Variants in GNB1L observed in about 807,000 individuals in gnomAD.
GNB1L encodes the protein G protein subunit beta 1 like.
A neutral mutation model predicts 29.1 loss-of-function variants in GNB1L; 20 were observed. That is an observed-to-expected ratio of 0.69 (90% CI 0.48 to 1.00). GNB1L has a LOEUF of 1.00. Among genes scored for constraint, GNB1L ranks in the 50% least tolerant of loss-of-function variants. GNB1L has a pLI of 0.00. For missense variants in GNB1L, 421 were observed against 464.9 expected, an observed-to-expected ratio of 0.91 and a Z score of 0.87; for synonymous variants, 193 against 206.5, an observed-to-expected ratio of 0.93 and a Z score of 0.56.
chr22:19,841,753 A>G (rs184582331), intron 2 of GNB1L, among the ~76,000 whole-genome samples: 88 of 152,346 alleles, frequency 5.8e-4, no homozygotes, highest in Admixed American at 5.4e-3. Context: ...CCCCTGGTAC[A>G]AGCTAGTAGT....
intron 7 of GNB1L, among the ~76,000 whole-genome samples, chr22:19,801,073 G>A (rs763333182): frequency 6.6e-6 from 1 of 152,208 alleles, no homozygotes; most frequent in Non-Finnish European, 1.5e-5. Context: ...GCCCTACAGA[G>A]AAGGGCAGCC....
At chr22:19,820,068 C>T (rs1298370440) in intron 4 of GNB1L, among the ~76,000 whole-genome samples, 4 of 152,116 alleles carry the variant, frequency 2.6e-5, no homozygotes, top group Non-Finnish European at 5.9e-5. Context: ...GCTGCCGGAA[C>T]ACCCAGCTCC....
At chr22:19,789,321 C>A (rs550367626) in intron 7 of GNB1L, among the ~76,000 whole-genome samples, 1 of 152,222 alleles carries the variant, frequency 6.6e-6, no homozygotes. Flanking sequence ...CGAGAGGCCA[C>A]GTCCCGGGCT....
intron 7 of GNB1L, among the ~76,000 whole-genome samples, chr22:19,794,829 A>G (rs987752439): frequency 6.6e-6 from 1 of 152,044 alleles, no homozygotes; most frequent in African/African-American, 2.4e-5. Flanking sequence ...AAAAATACAA[A>G]AATTAGCCGG....
At chr22:19,849,275 A>C in intron 2 of GNB1L, 1 of 983,936 alleles carries the variant, frequency 1.0e-6, no homozygotes, top group Non-Finnish European at 1.2e-6. Flanking sequence ...TAACTCACAC[A>C]TAAAACCATC....
chr22:19,818,324 G>C (rs2145879870), intron 4 of GNB1L, among the ~76,000 whole-genome samples: 1 of 152,336 alleles, frequency 6.6e-6, no homozygotes, highest in South Asian at 2.1e-4. Context: ...GAAAACTCAG[G>C]AGGACACTTA....
At position 19,847,804 on chromosome 22, in the gene GNB1L, CAAAA is replaced by C. The variant is rs34331843; in HGVS notation, c.-21+6635_-21+6638del. 4,646 of 607,788 alleles carry C rather than the reference CAAAA, an allele frequency of 7.6e-3. 127 individuals are homozygous for C. The African/African-American group carries it at 0.086, about 11-fold the overall frequency. 37.6% of individuals were successfully genotyped at this position (607,788 alleles called of 1,614,324 possible). A position where few individuals can be genotyped will look rare whatever the true frequency, so the allele number is the denominator to read the frequency against. ...ACTTTTAAAATCCTGGAATCATAGG[CAAAA>C]AAAAAAAAAAAAAAAAATTCACCCA... On this transcript the variant is annotated intron_variant, in intron 2 of 7. Coordinates refer to ENST00000329517, the MANE Select transcript of GNB1L (RefSeq NM_053004.3).
intron 2 of GNB1L, chr22:19,846,746 C>T (rs966327794): frequency 8.2e-6 from 3 of 366,202 alleles, no homozygotes; most frequent in East Asian, 1.6e-4. Flanking sequence ...CAGACACAGA[C>T]AGGGACACGG....
rs16984257 is a variant in GNB1L at position 19,843,266 on chromosome 22, G to A, written c.-21+11177C>T. Among the ~76,000 whole-genome samples the A allele has an allele frequency of 9.8e-4, 150 of 152,352 alleles. 1 individual carries two copies. The highest frequency in any genetic ancestry group is 3.3e-3 in the African/African-American group (139 of 41,590). On this transcript the variant is annotated intron_variant, in intron 2 of 7. Transcript: ENST00000329517. ...TAAATCAGAAATAGTATCACGGCTG[G>A]GCATCTGTCAACGCCCCGACTGGCG...
chr22:19,841,232 A>G (rs1937855537), intron 2 of GNB1L, among the ~76,000 whole-genome samples: 1 of 152,248 alleles, frequency 6.6e-6, no homozygotes, highest in Admixed American at 6.5e-5. Context: ...CAAGGTTCAC[A>G]CTCAACCACT....
In GNB1L at chr22:19,785,520, C is replaced by T. The variant is rs1193660866; in HGVS notation, c.*3189G>A. ...TTTCCAAACACCAAGTTCTCTCTGG[C>T]TTGAGAGGCCTCACTGCTACCCAAG... On this transcript the variant is annotated 3_prime_UTR_variant, in exon 8 of 8. Transcript: ENST00000329517. The surrounding 1 kb of genome is among the most constrained non-coding windows in gnomAD (Gnocchi z 4.1). 1 of 152,230 alleles carries T rather than the reference C, an allele frequency of 6.6e-6. No homozygotes were observed. The highest frequency in any genetic ancestry group is 2.4e-5 in the African/African-American group (1 of 41,448). The allele number at this position is 152,230 out of a possible 1,614,324, so 9.4% of individuals were successfully genotyped here.
intron 7 of GNB1L, among the ~76,000 whole-genome samples, chr22:19,789,607 T>C (rs1049538173): frequency 3.3e-4 from 50 of 150,220 alleles, no homozygotes; most frequent in Non-Finnish European, 4.9e-4. Context: ...TGAGAGGGGG[T>C]AGGGCACTGC....
At chr22:19,802,904 G>C (rs1406388916) in intron 6 of GNB1L, among the ~76,000 whole-genome samples, 1 of 152,244 alleles carries the variant, frequency 6.6e-6, no homozygotes, top group African/African-American at 2.4e-5. Flanking sequence ...ATTGCAGGAG[G>C]AGAGCACTGC....
intron 2 of GNB1L, among the ~76,000 whole-genome samples, chr22:19,834,409 A>G (rs772749006): frequency 2.8e-4 from 43 of 152,250 alleles, no homozygotes; most frequent in Admixed American, 1.3e-4. Context: ...CTTCAGGTTC[A>G]AAAGACATGA....
intron 2 of GNB1L, chr22:19,850,342 C>G: frequency 1.0e-6 from 1 of 985,606 alleles, no homozygotes; most frequent in Non-Finnish European, 1.2e-6. Context: ...GGAGGGAGAT[C>G]CAAGTCATTT....
rs540057731 is a variant in GNB1L, at chr22:19,810,140, T to C, written c.417+2145A>G. ...GGGCTAGTTCCAGCAGTTAATGGGG[T>C]GGGGAGGTAGGGGACTTAAGCCAGG... On this transcript the variant is annotated intron_variant, in intron 5 of 7. Coordinates refer to ENST00000329517, the MANE Select transcript of GNB1L (RefSeq NM_053004.3). 2.6e-5 allele frequency among the ~76,000 whole-genome samples: 4 copies of C among 151,890 alleles called. No homozygotes were observed. The South Asian group carries it at 8.3e-4, about 32-fold the overall frequency.
At chr22:19,810,999 A>G (rs1275669979) in intron 5 of GNB1L, among the ~76,000 whole-genome samples, 2 of 152,214 alleles carry the variant, frequency 1.3e-5, no homozygotes, top group African/African-American at 4.8e-5. Context: ...CATGGAGCAC[A>G]GCAGGCCAAG....
intron 4 of GNB1L, among the ~76,000 whole-genome samples, chr22:19,817,607 T>G (rs1012007025): frequency 3.3e-5 from 5 of 152,228 alleles, no homozygotes; most frequent in Non-Finnish European, 2.9e-5. Flanking sequence ...TCCTTATGTC[T>G]CCACGCTTCC....
In GNB1L at chr22:19,833,145, G is replaced by A. The variant is rs184036757; in HGVS notation, c.-20-11770C>T. 4.6e-5 allele frequency among the ~76,000 whole-genome samples: 7 copies of A among 152,182 alleles called. 1 individual carries two copies. The highest frequency in any genetic ancestry group is 4.1e-4 in the South Asian group (2 of 4,822). On this transcript the variant is annotated intron_variant, in intron 2 of 7. Transcript: ENST00000329517. ...AAATTATTCAGCATACAAAGAACCC[G>A]GAAAATGAGACCAACTCTCAAGGAA...
Sources: gnomAD v4.1 joint callset for allele counts (sites outside exome capture counted in the v4.1 genomes callset) on GRCh38, gnomAD v4.1.1 for gene constraint, Gnocchi (gnomAD v3.1) non-coding constraint, MANE v1.5 for transcripts, NCBI Gene and HGNC (gene_info 2026-07-23, HGNC 2026-07-21) for gene names.